DYNC2H1: variants seen among roughly 807,000 people sequenced by gnomAD.
DYNC2H1 encodes the protein dynein cytoplasmic 2 heavy chain 1, also known as cytoplasmic dynein 2 heavy chain 1.
In DYNC2H1, 410 loss-of-function variants were observed where a neutral mutation model predicts 570.0. That is an observed-to-expected ratio of 0.72 (90% CI 0.66 to 0.78). The LOEUF is 0.78. Ranked by LOEUF, DYNC2H1 falls within the 30% of genes least tolerant of loss-of-function variation. DYNC2H1 has a pLI of 0.00. For missense variants in DYNC2H1, 4,865 were observed against 5,046.4 expected (o/e 0.96, Z 1.09); for synonymous variants, 1,688 against 1,677.6 (o/e 1.01, Z -0.15).
intron 82 of DYNC2H1, among the ~76,000 whole-genome samples, chr11:103,336,171 G>T (rs1591596078): frequency 6.6e-6 from 1 of 152,128 alleles, no homozygotes; most frequent in South Asian, 2.1e-4. Context: ...TGGCTACATA[G>T]TAGTTGTACA....
chr11:103,272,425 G>T (rs1865745811), intron 70 of DYNC2H1, among the ~76,000 whole-genome samples: 1 of 152,108 alleles, frequency 6.6e-6, no homozygotes, highest in Non-Finnish European at 1.5e-5. Context: ...GCCTGTCGTG[G>T]GGTGGGGGGA....
chr11:103,421,841 A>C (rs558898170), intron 84 of DYNC2H1, among the ~76,000 whole-genome samples: 34 of 152,262 alleles, frequency 2.2e-4, no homozygotes, highest in African/African-American at 7.7e-4. Flanking sequence ...AGCAGAAGAC[A>C]AGAAATTACC....
At chr11:103,323,115 G>C (rs550898092) in intron 81 of DYNC2H1, among the ~76,000 whole-genome samples, 1 of 152,124 alleles carries the variant, frequency 6.6e-6, no homozygotes, top group Non-Finnish European at 1.5e-5. Flanking sequence ...CAGCAAACAC[G>C]GTTTAGATGC....
At chr11:103,250,400 A>C (rs1007227992) in intron 65 of DYNC2H1, among the ~76,000 whole-genome samples, 4 of 152,048 alleles carry the variant, frequency 2.6e-5, no homozygotes, top group African/African-American at 9.7e-5. Context: ...TTTGTTTAAC[A>C]AGCGTATATT....
intron 75 of DYNC2H1, among the ~76,000 whole-genome samples, chr11:103,302,049 A>G (rs1867070174): frequency 6.6e-6 from 1 of 152,016 alleles, no homozygotes; most frequent in African/African-American, 2.4e-5. Flanking sequence ...GAAATATATT[A>G]ATAATGGAAA....
intron 83 of DYNC2H1, among the ~76,000 whole-genome samples, chr11:103,360,294 A>G (rs1039592246): frequency 6.6e-6 from 1 of 152,324 alleles, no homozygotes; most frequent in East Asian, 1.9e-4. Context: ...AGAGATAAAA[A>G]TGGGACTTCC....
chr11:103,266,248 A>G (rs966750232), intron 70 of DYNC2H1, among the ~76,000 whole-genome samples: 7 of 151,900 alleles, frequency 4.6e-5, no homozygotes, highest in Non-Finnish European at 4.4e-5. Flanking sequence ...CAGAGTGCCT[A>G]CCTTTCTGCT....
intron 70 of DYNC2H1, among the ~76,000 whole-genome samples, chr11:103,270,784 T>A (rs1865681543): frequency 6.6e-6 from 1 of 152,188 alleles, no homozygotes; most frequent in Non-Finnish European, 1.5e-5. Flanking sequence ...TTACTCAGAA[T>A]GGCTTGCAAT....
At chr11:103,229,142 AC>A (rs1863907856) in intron 59 of DYNC2H1, among the ~76,000 whole-genome samples, 1 of 152,212 alleles carries the variant, frequency 6.6e-6, no homozygotes, top group Admixed American at 6.5e-5. Context: ...AGGGCTGAGA[AC>A]TTGCCCCAGA....
chr11:103,159,370 G>T (rs994289770), intron 28 of DYNC2H1, among the ~76,000 whole-genome samples: 1 of 152,140 alleles, frequency 6.6e-6, no homozygotes, highest in Non-Finnish European at 1.5e-5. Context: ...CAGGCAGTGG[G>T]TATAGGCTGT....
At chr11:103,218,108 T>C (rs1246095787) in intron 55 of DYNC2H1, among the ~76,000 whole-genome samples, 1 of 152,196 alleles carries the variant, frequency 6.6e-6, no homozygotes, top group African/African-American at 2.4e-5. Context: ...GGAACTCTTA[T>C]AATTGCTGGA....
chr11:103,116,393 G>T (rs1047551999), intron 4 of DYNC2H1, among the ~76,000 whole-genome samples, 177 bp from the exon 5 acceptor site: 13 of 151,966 alleles, frequency 8.6e-5, no homozygotes, highest in African/African-American at 3.1e-4. Context: ...TTGATGTTTG[G>T]GGGGAAATTA....
chr11:103,302,907 G>A (rs1867107265), intron 75 of DYNC2H1, among the ~76,000 whole-genome samples, 186 bp from the exon 76 acceptor site: 1 of 151,858 alleles, frequency 6.6e-6, no homozygotes. Flanking sequence ...AAAATGCCCG[G>A]CACCTTAAGC....
intron 84 of DYNC2H1, among the ~76,000 whole-genome samples, chr11:103,418,679 A>C (rs1310161447): frequency 6.6e-6 from 1 of 152,216 alleles, no homozygotes; most frequent in Non-Finnish European, 1.5e-5. Context: ...CAAAGAACTC[A>C]CAGAGAACAA....
At chr11:103,236,206 AAC>A (rs1864211162) in intron 62 of DYNC2H1, among the ~76,000 whole-genome samples, 1 of 151,936 alleles carries the variant, frequency 6.6e-6, no homozygotes, top group Non-Finnish European at 1.5e-5. Context: ...TAGTTTGTGA[AAC>A]AGTCACTCAA....
In DYNC2H1 at chr11:103,199,240, T is replaced by C. The variant is rs892055374; in HGVS notation, c.7852T>C (p.Tyr2618His). Residue 2618 changes from tyrosine (Y) to histidine (H), a missense_variant, in exon 49 of 89, where the codon TAT becomes CAT. By Grantham distance (83) the Tyr-to-His change is moderately conservative. Transcript: ENST00000375735. This position sits in a 1 kb window ranked among gnomAD's most constrained non-coding sequence, Gnocchi z 4.6. ...ATTTTTTTAAAAGGGTCTTATTCAT[T>C]ATGGACGAGATAACCAGAATTTAGA... ...KDVIKKGLIHYGRDNQNLDIL... is the reference protein window; with the variant it reads ...KDVIKKGLIHHGRDNQNLDIL... The C allele has an allele frequency of 1.9e-6, 3 of 1,577,146 alleles. No individual in the cohort carries two copies. Among genetic ancestry groups the C allele is most frequent in the Non-Finnish European group, 2.6e-6 (3 of 1,158,500 alleles).
At chr11:103,294,529 C>CATCATTGA in intron 75 of DYNC2H1, among the ~76,000 whole-genome samples, 1 of 152,182 alleles carries the variant, frequency 6.6e-6, no homozygotes, top group Admixed American at 6.5e-5. Context: ...CTCTGGGTTC[C>CATCATTGA]TAGACAAAAT....
chr11:103,385,508 A>G (rs1202090131), intron 83 of DYNC2H1, among the ~76,000 whole-genome samples: 3 of 152,134 alleles, frequency 2.0e-5, no homozygotes, highest in African/African-American at 7.2e-5. Context: ...CATCTACCAT[A>G]GAATTAAATT....
intron 18 of DYNC2H1, among the ~76,000 whole-genome samples, chr11:103,144,588 T>C (rs1260531220): frequency 1.3e-5 from 2 of 152,156 alleles, no homozygotes; most frequent in East Asian, 1.9e-4. Flanking sequence ...AGTTGGTTAA[T>C]TGAAATTGTT....
Sources: gnomAD v4.1 joint callset for allele counts (sites outside exome capture counted in the v4.1 genomes callset) on GRCh38, gnomAD v4.1.1 for gene constraint, Gnocchi (gnomAD v3.1) non-coding constraint, MANE v1.5 for transcripts, NCBI Gene and HGNC (gene_info 2026-07-23, HGNC 2026-07-21) for gene names.